The following TSHZ3 variants were observed in gnomAD, a reference collection of about 807,000 sequenced individuals.
TSHZ3 encodes teashirt homolog 3.
Under a neutral mutation model 64.5 loss-of-function variants are expected in TSHZ3, and 10 were observed. The ratio of observed to expected loss-of-function variants is 0.16; its 90% CI spans 0.10 to 0.26. The LOEUF (loss-of-function observed/expected upper bound fraction) is 0.26, where lower values mean the gene tolerates loss of function less well. TSHZ3 is among the 10% of genes least tolerant of loss of function. TSHZ3 has a pLI of 1.00. For synonymous variants in TSHZ3, 608 were observed against 593.1 expected, an observed-to-expected ratio of 1.03 and a Z score of -0.36; for missense variants, 1,242 against 1,421.7, an observed-to-expected ratio of 0.87 and a Z score of 2.03.
At chr19:31,224,090 T>C (rs1283308040) in intron 4 of TSHZ3, among the ~76,000 whole-genome samples, 1 of 152,106 alleles carries the variant, frequency 6.6e-6, no homozygotes, top group African/African-American at 2.4e-5. Context: ...CCGGTAGGAG[T>C]ACAGTTACTA....
At chr19:31,250,692 A>C (rs1269903866) in intron 1 of TSHZ3, among the ~76,000 whole-genome samples, 1 of 152,250 alleles carries the variant, frequency 6.6e-6, no homozygotes, top group Non-Finnish European at 1.5e-5. Flanking sequence ...CCCATGTGTC[A>C]GTTCATTTGC....
chr19:31,342,965 C>T (rs1267603123), intron 1 of TSHZ3, among the ~76,000 whole-genome samples: 4 of 152,144 alleles, frequency 2.6e-5, no homozygotes, highest in Non-Finnish European at 4.4e-5. Flanking sequence ...GTTAGGCTTG[C>T]GTTTTTAAAA....
intron 1 of TSHZ3, among the ~76,000 whole-genome samples, chr19:31,252,938 C>T (rs1975861146): frequency 6.6e-6 from 1 of 152,082 alleles, no homozygotes; most frequent in African/African-American, 2.4e-5. Context: ...TACTATTAGC[C>T]TCATAAAATT....
chr19:31,274,769 G>T (rs1264202371), downstream of TSHZ3, among the ~76,000 whole-genome samples: 2 of 151,774 alleles, frequency 1.3e-5, no homozygotes, highest in Admixed American at 1.3e-4. Context: ...AGTGCTCCCT[G>T]CTCTCCAAAC....
At chr19:31,315,068 G>A (rs920362181) in intron 1 of TSHZ3, among the ~76,000 whole-genome samples, 1 of 152,214 alleles carries the variant, frequency 6.6e-6, no homozygotes, top group East Asian at 1.9e-4. Context: ...CCTGGGCACA[G>A]ATCAAGGGAA....
intron 1 of TSHZ3, among the ~76,000 whole-genome samples, chr19:31,260,283 A>C (rs1444699639): frequency 1.3e-5 from 2 of 152,032 alleles, no homozygotes; most frequent in Admixed American, 6.6e-5. Context: ...TGTCAGATTC[A>C]CCATCCTCGT....
At chr19:31,200,575 G>A (rs932570546) in intron 5 of TSHZ3, among the ~76,000 whole-genome samples, 4 of 152,180 alleles carry the variant, frequency 2.6e-5, no homozygotes, top group African/African-American at 4.8e-5. Flanking sequence ...GAGGAATGGA[G>A]GGGAGGCAGG....
intron 1 of TSHZ3, among the ~76,000 whole-genome samples, chr19:31,317,465 T>C (rs1394244385): frequency 6.6e-6 from 1 of 152,188 alleles, no homozygotes; most frequent in Admixed American, 6.5e-5. Flanking sequence ...AGAAGCTCCC[T>C]GTGATGTCTC....
chr19:31,346,777 CCAAA>C (rs1368395899), intron 1 of TSHZ3, among the ~76,000 whole-genome samples: 5 of 150,830 alleles, frequency 3.3e-5, no homozygotes, highest in East Asian at 3.9e-4. Context: ...TCTGGTCCAT[CCAAA>C]CAAACAAACC....
intron 3 of TSHZ3, among the ~76,000 whole-genome samples, chr19:31,238,493 T>C (rs967527076): frequency 3.9e-5 from 6 of 152,112 alleles, no homozygotes; most frequent in African/African-American, 1.4e-4. Context: ...TGACCTCGAG[T>C]GATCTGCCTA....
chr19:31,281,393 T>C (rs1352805595), intron 1 of TSHZ3, among the ~76,000 whole-genome samples: 1 of 152,130 alleles, frequency 6.6e-6, no homozygotes, highest in Non-Finnish European at 1.5e-5. Flanking sequence ...ATCCCAACAC[T>C]GATGTAATGT....
chr19:31,270,631 T>C (rs957276801), downstream of TSHZ3, among the ~76,000 whole-genome samples: 1 of 152,220 alleles, frequency 6.6e-6, no homozygotes, highest in Non-Finnish European at 1.5e-5. Context: ...AGGAACCTTC[T>C]ATGATGATGG....
At chr19:31,349,443 G>C, upstream of TSHZ3, 1 of 399,590 alleles carries the variant, frequency 2.5e-6, no homozygotes, top group Non-Finnish European at 4.4e-6. Flanking sequence ...GAAGGAGGGC[G>C]GGCGAGGGAG....
intron 1 of TSHZ3, among the ~76,000 whole-genome samples, chr19:31,308,157 G>A (rs1916351976): frequency 6.6e-6 from 1 of 152,114 alleles, no homozygotes; most frequent in South Asian, 2.1e-4. Context: ...CACTCCAACA[G>A]TCTCGGGGCT....
chr19:31,308,364 T>G (rs1219835183), intron 1 of TSHZ3: 1 of 314,130 alleles, frequency 3.2e-6, no homozygotes. Flanking sequence ...TGGCAAGGGT[T>G]TATTGTGTCC....
At chr19:31,211,711 A>C (rs1409273040) in intron 4 of TSHZ3, among the ~76,000 whole-genome samples, 1 of 152,176 alleles carries the variant, frequency 6.6e-6, no homozygotes, top group Non-Finnish European at 1.5e-5. Context: ...GGGAGCCGGC[A>C]GGGAGATTCC....
chr19:31,197,955 G>A lies in TSHZ3; in HGVS notation n.809+7001C>T, dbSNP rs117199894. On this transcript the variant is annotated intron_variant and non_coding_transcript_variant, in intron 5 of 6. Coordinates refer to the TSHZ3 transcript ENST00000651361. ...TTGTCTAACTCATTCTGAGCAGCCC[G>A]CATTACATTTATACTAAAACCAGAC... Among the ~76,000 whole-genome samples, 1,440 of 152,018 alleles carry A rather than the reference G, an allele frequency of 9.5e-3. 10 individuals carry two copies. Among genetic ancestry groups the A allele is most frequent in the Non-Finnish European group, 0.014 (934 of 67,900 alleles).
intron 5 of TSHZ3, among the ~76,000 whole-genome samples, chr19:31,188,503 C>CA (rs540585571): frequency 1.3e-5 from 2 of 151,878 alleles, no homozygotes; most frequent in East Asian, 1.9e-4. Flanking sequence ...TCTTCTTTCA[C>CA]AAAAAAGTTT....
rs374301441 is a variant in TSHZ3 at position 31,313,973 on chromosome 19, C to A, written c.41-34221G>T. Reference sequence around the variant, plus strand: ...TGTAAATCAGGTAATACCTTCATCTCGGGTAATGACGGTGAGCCTTTCTCT... The same window carrying A: ...TGTAAATCAGGTAATACCTTCATCTAGGGTAATGACGGTGAGCCTTTCTCT... On this transcript the variant is annotated intron_variant, in intron 1 of 1. Coordinates refer to ENST00000240587, the MANE Select transcript of TSHZ3 (RefSeq NM_020856.4). Among the ~76,000 whole-genome samples, 721 of 152,290 alleles carry A rather than the reference C, an allele frequency of 4.7e-3. 3 individuals are homozygous for A. The highest frequency in any genetic ancestry group is 8.0e-3 in the Non-Finnish European group (543 of 68,028).
Sources: allele counts gnomAD v4.1 joint callset (sites outside exome capture counted in the v4.1 genomes callset), GRCh38; gene constraint gnomAD v4.1.1; transcripts MANE v1.5; gene names NCBI Gene and HGNC (gene_info 2026-07-23, HGNC 2026-07-21).